Variants in ANKRD36 observed in about 807,000 individuals in gnomAD.
The protein encoded by ANKRD36 is ankyrin repeat domain-containing protein 36A.
In ANKRD36, 179 loss-of-function variants were observed where a neutral mutation model predicts 278.1. The ratio of observed to expected loss-of-function variants is 0.64; its 90% confidence interval spans 0.57 to 0.73. ANKRD36 has a LOEUF of 0.73. Among genes scored for constraint, ANKRD36 ranks in the 30% least tolerant of loss-of-function variants. The pLI is 0.00. For missense variants in ANKRD36, 1,159 were observed against 1,956.7 expected, an observed-to-expected ratio of 0.59 and a Z score of 7.69; for synonymous variants, 320 against 641.1, an observed-to-expected ratio of 0.50 and a Z score of 7.57.
At chr2:97,211,871 G>T (rs1201113213) in intron 58 of ANKRD36, 130 bp downstream of exon 58, 12 of 1,233,074 alleles carry the variant, frequency 9.7e-6, no homozygotes, top group Admixed American at 7.5e-5. Flanking sequence ...TTATTCATTT[G>T]TAATAAGTTC....
intron 42 of ANKRD36, among the ~76,000 whole-genome samples, 189 bp downstream of exon 42, chr2:97,196,977 A>G (rs1267175593): frequency 6.6e-6 from 1 of 151,928 alleles, no homozygotes; most frequent in South Asian, 2.1e-4. Context: ...TCGCCGTAAG[A>G]TTATACACTT....
intron 5 of ANKRD36, 73 bp downstream of exon 5, chr2:97,124,670 A>G (rs1574570631): frequency 2.7e-6 from 4 of 1,464,516 alleles, no homozygotes; most frequent in Non-Finnish European, 9.1e-7. Context: ...TGCATCTTAT[A>G]TATCAGGTGA....
At chr2:97,225,999 C>T (rs1367831717) in intron 67 of ANKRD36, among the ~76,000 whole-genome samples, 6 of 151,780 alleles carry the variant, frequency 4.0e-5, no homozygotes, top group African/African-American at 1.5e-4. Context: ...TGTCTATGTG[C>T]CATATTTTCT....
intron 22 of ANKRD36, among the ~76,000 whole-genome samples, chr2:97,169,516 G>A (rs1575245334): frequency 6.6e-6 from 1 of 152,290 alleles, no homozygotes; most frequent in African/African-American, 2.4e-5. Flanking sequence ...CAGATAACAT[G>A]ATTGTATATT....
Position 97,194,840 on chromosome 2 carries a change from C to G in ANKRD36, c.2479-5C>G, listed in dbSNP as rs772393223. ...ATTTATTATTTTGTTTCAAATTCCA[C>G]TCAGGCTACAAGTGATGAGAAGGAT... On this transcript the variant is annotated splice_polypyrimidine_tract_variant and splice_region_variant and intron_variant, in intron 39 of 75. Transcript: ENST00000420699. 1.3e-6 allele frequency: 2 copies of G among 1,593,810 alleles called. No individual in the cohort carries two copies. The highest frequency in any genetic ancestry group is 2.3e-5 in the East Asian group (1 of 43,812).
intron 36 of ANKRD36, among the ~76,000 whole-genome samples, chr2:97,192,060 A>G (rs2058632971): frequency 6.6e-6 from 1 of 151,776 alleles, no homozygotes; most frequent in Non-Finnish European, 1.5e-5. Context: ...TAGAGTGATC[A>G]TTTTCAATGG....
chr2:97,113,696 C>T lies in ANKRD36; in HGVS notation c.-44C>T. On this transcript the variant is annotated 5_prime_UTR_variant, in exon 1 of 76. Transcript: ENST00000420699. Reference sequence around the variant, plus strand: ...CTTCGGAGGCGGCGATCCCCGAAGGCGAGCTGAAATACGGCTGCAGGCTAC... The same window carrying T: ...CTTCGGAGGCGGCGATCCCCGAAGGTGAGCTGAAATACGGCTGCAGGCTAC... 1.9e-6 allele frequency: 3 copies of T among 1,610,366 alleles called. No homozygotes were observed. Among genetic ancestry groups the T allele is most frequent in the East Asian group, 2.3e-5 (1 of 44,026 alleles).
chr2:97,200,120 T>C (rs1349649344), intron 44 of ANKRD36, among the ~76,000 whole-genome samples: 1 of 151,880 alleles, frequency 6.6e-6, no homozygotes. Flanking sequence ...AATCTTACCA[T>C]GTTTGAAATC....
At chr2:97,151,997 T>C in intron 13 of ANKRD36, 58 bp downstream of exon 13, 3 of 1,326,298 alleles carry the variant, frequency 2.3e-6, no homozygotes, top group Admixed American at 2.2e-5. Flanking sequence ...TTGTTTTTTT[T>C]TTTTCTTTGT....
At chr2:97,121,782 A>T (rs2036938167) in intron 3 of ANKRD36, among the ~76,000 whole-genome samples, 1 of 152,044 alleles carries the variant, frequency 6.6e-6, no homozygotes, top group African/African-American at 2.4e-5. Flanking sequence ...TACCTAAAAT[A>T]AAAAAAGTAA....
At chr2:97,196,298 C>T (rs1300431409) in intron 40 of ANKRD36, among the ~76,000 whole-genome samples, 7 of 151,028 alleles carry the variant, frequency 4.6e-5, no homozygotes, top group Admixed American at 6.6e-5. Context: ...TTTTAGATCA[C>T]ATTTGTTCTC....
intron 62 of ANKRD36, chr2:97,215,833 A>C: frequency 1.6e-6 from 1 of 606,632 alleles, no homozygotes; most frequent in Non-Finnish European, 2.9e-6. Flanking sequence ...GAAGTAATAG[A>C]TATTATAGGC....
chr2:97,200,181 G>A (rs1366692153), intron 44 of ANKRD36, among the ~76,000 whole-genome samples, 153 bp from the exon 45 acceptor site: 2 of 151,846 alleles, frequency 1.3e-5, no homozygotes, highest in Non-Finnish European at 2.9e-5. Flanking sequence ...GTGTATTTCT[G>A]TCATGTTCTG....
chr2:97,187,494 G>GGGCCCCCCC, intron 32 of ANKRD36, 93 bp downstream of exon 32: 1 of 95,518 alleles, frequency 1.0e-5, no homozygotes, highest in Non-Finnish European at 2.1e-5. Context: ...GGGTGGGGGG[G>GGGCCCCCCC]CTCGCCGAAG....
chr2:97,207,595 C>A (rs1205132862), intron 52 of ANKRD36, among the ~76,000 whole-genome samples: 2 of 151,410 alleles, frequency 1.3e-5, no homozygotes, highest in African/African-American at 2.4e-5. Context: ...CAAATCATAC[C>A]ATGTTTGAAA....
chr2:97,113,211 C>T lies in ANKRD36; in HGVS notation c.-529C>T, dbSNP rs1029377546. ...GGTGCGCTGGCTGCAGCTGTGGCAACCCCGGATCCCGTCCTCCCGCCTCGC... is the reference window on the plus strand; with the variant it reads ...GGTGCGCTGGCTGCAGCTGTGGCAATCCCGGATCCCGTCCTCCCGCCTCGC... On this transcript the variant is annotated 5_prime_UTR_variant, in exon 1 of 76. Coordinates refer to ENST00000420699, the MANE Select transcript of ANKRD36 (RefSeq NM_001354587.1). Among the ~76,000 whole-genome samples the T allele has an allele frequency of 2.0e-5, 3 of 151,992 alleles. No individual in the cohort carries two copies. The highest frequency in any genetic ancestry group is 4.2e-4 in the South Asian group (2 of 4,802).
intron 67 of ANKRD36, among the ~76,000 whole-genome samples, chr2:97,233,056 C>G (rs1376352660): frequency 1.3e-5 from 2 of 151,190 alleles, no homozygotes; most frequent in Non-Finnish European, 2.9e-5. Context: ...ACAAACAGTA[C>G]AAAACCAATA....
chr2:97,205,588 C>CACCT (rs2062618681), intron 50 of ANKRD36, among the ~76,000 whole-genome samples: 1 of 151,504 alleles, frequency 6.6e-6, no homozygotes, highest in Non-Finnish European at 1.5e-5. Context: ...GATCATGTAG[C>CACCT]ACCTGCTTTG....
At chr2:97,229,947 A>G (rs567786882) in intron 67 of ANKRD36, among the ~76,000 whole-genome samples, 1 of 152,142 alleles carries the variant, frequency 6.6e-6, no homozygotes, top group South Asian at 2.1e-4. Flanking sequence ...CTTTTCTTTA[A>G]GAATGTTGAA....
Sources: allele counts gnomAD v4.1 joint callset (sites outside exome capture counted in the v4.1 genomes callset), GRCh38; gene constraint gnomAD v4.1.1; transcripts MANE v1.5; gene names NCBI Gene and HGNC (gene_info 2026-07-23, HGNC 2026-07-21).